Variants in FLI1 observed in about 807,000 individuals in gnomAD.
FLI1 encodes Friend leukemia integration 1 transcription factor.
FLI1 carries 13 observed loss-of-function variants against 53.1 expected under a neutral mutation model. That is an observed-to-expected ratio of 0.24 (90% CI 0.16 to 0.39). The LOEUF (loss-of-function observed/expected upper bound fraction) is 0.39, where lower values mean the gene tolerates loss of function less well. Ranked by LOEUF, FLI1 falls within the 10% of genes least tolerant of loss-of-function variation. The probability of loss-of-function intolerance (pLI) is 1.00; values close to 1 mark genes in which losing one functional copy is unlikely to be tolerated. For missense variants in FLI1, 424 were observed against 600.5 expected (o/e 0.71, Z 3.07); for synonymous variants, 244 against 236.7 (o/e 1.03, Z -0.28).
chr11:128,776,629 C>T (rs1941735740), intron 4 of FLI1, among the ~76,000 whole-genome samples: 1 of 152,174 alleles, frequency 6.6e-6, no homozygotes, highest in Admixed American at 6.5e-5. Flanking sequence ...CTGGCCTGGG[C>T]GATAGACCGA....
intron 1 of FLI1, among the ~76,000 whole-genome samples, chr11:128,696,596 G>A (rs1938087930): frequency 6.6e-6 from 1 of 152,194 alleles, no homozygotes; most frequent in Admixed American, 6.5e-5. Context: ...TGCCTAAAAT[G>A]TGCTCATATG....
intron 1 of FLI1, among the ~76,000 whole-genome samples, chr11:128,757,548 C>T (rs1266243362): frequency 6.6e-6 from 1 of 152,188 alleles, no homozygotes. Context: ...CTATTTTTAT[C>T]CCTGTTACAA....
intron 5 of FLI1, 96 bp from the exon 6 acceptor site, chr11:128,805,270 G>T: frequency 1.4e-6 from 1 of 695,454 alleles, no homozygotes; most frequent in South Asian, 2.0e-5. Context: ...TTGCTGAATT[G>T]AATTTTATTT....
intron 5 of FLI1, among the ~76,000 whole-genome samples, chr11:128,794,575 T>C (rs1942374205): frequency 6.6e-6 from 1 of 152,248 alleles, no homozygotes; most frequent in South Asian, 2.1e-4. Flanking sequence ...GTTATTTTAA[T>C]ATAAAAACCT....
At chr11:128,692,166 T>C (rs938378680), upstream of FLI1, 1 of 152,222 alleles carries the variant, frequency 6.6e-6, no homozygotes, top group Non-Finnish European at 1.5e-5. Context: ...TAATTCATTC[T>C]TCCTTTCCCG....
chr11:128,739,254 A>G (rs997888081), intron 1 of FLI1, among the ~76,000 whole-genome samples: 1 of 152,128 alleles, frequency 6.6e-6, no homozygotes, highest in African/African-American at 2.4e-5. Flanking sequence ...GCTCTTCCCC[A>G]TGCAAAAAAA....
chr11:128,733,115 C>T (rs1312819852), intron 1 of FLI1, among the ~76,000 whole-genome samples: 1 of 152,104 alleles, frequency 6.6e-6, no homozygotes, highest in Non-Finnish European at 1.5e-5. Context: ...CCTGAAGCTC[C>T]AAGGGAAAGG....
At chr11:128,718,568 T>C (rs1939117596) in intron 1 of FLI1, among the ~76,000 whole-genome samples, 1 of 152,218 alleles carries the variant, frequency 6.6e-6, no homozygotes, top group Admixed American at 6.5e-5. Flanking sequence ...GGTGGTAAGA[T>C]TCTTTTTCAC....
chr11:128,761,785 T>A (rs1007287098), intron 2 of FLI1, among the ~76,000 whole-genome samples: 21 of 152,306 alleles, frequency 1.4e-4, no homozygotes, highest in African/African-American at 5.1e-4. Flanking sequence ...AAAAGCCAGC[T>A]GGAGAGGGCC....
intron 1 of FLI1, among the ~76,000 whole-genome samples, chr11:128,698,933 G>A (rs603545): frequency 0.5 from 76,545 of 151,914 alleles, 19,492 homozygotes; most frequent in African/African-American, 0.58. Context: ...TCCAAAATAA[G>A]TCCTTCTTTT....
intron 1 of FLI1, among the ~76,000 whole-genome samples, chr11:128,726,005 C>T (rs1939458765): frequency 1.3e-5 from 2 of 152,310 alleles, no homozygotes; most frequent in South Asian, 4.1e-4. Flanking sequence ...GGGGAGGCCT[C>T]TCTGGAATGG....
intron 5 of FLI1, among the ~76,000 whole-genome samples, chr11:128,786,170 T>A (rs1942073536): frequency 6.6e-6 from 1 of 152,186 alleles, no homozygotes; most frequent in African/African-American, 2.4e-5. Context: ...GCAGCCAAGC[T>A]AGAGAAGCCT....
chr11:128,796,310 C>T (rs544946812), intron 5 of FLI1, among the ~76,000 whole-genome samples: 7 of 152,322 alleles, frequency 4.6e-5, no homozygotes, highest in South Asian at 2.1e-4. Context: ...AAGAAGTCTT[C>T]GGCCTTTTGG....
chr11:128,725,848 G>A (rs748163021), intron 1 of FLI1, among the ~76,000 whole-genome samples: 6 of 152,204 alleles, frequency 3.9e-5, no homozygotes, highest in Non-Finnish European at 7.3e-5. Context: ...TCAACGTTCA[G>A]GGCAGAAGCA....
intron 4 of FLI1, 95 bp from the exon 5 acceptor site, chr11:128,781,863 A>C: frequency 2.2e-6 from 2 of 926,596 alleles, no homozygotes; most frequent in African/African-American, 1.6e-5. Flanking sequence ...CCCTCTCCCC[A>C]TCTCTTTCCC....
chr11:128,811,083 G>A lies in FLI1; in HGVS notation c.*95G>A. ...AGGACATATGTGGCCTTGAAGGGAA[G>A]ACAAAACTGGATGTTCTTTCTTGTT... On this transcript the variant is annotated 3_prime_UTR_variant, in exon 9 of 9. Transcript: ENST00000527786. 1 of 1,126,856 alleles carries A rather than the reference G, an allele frequency of 8.9e-7. No individual in the cohort carries two copies. The highest frequency in any genetic ancestry group is 2.4e-5 in the East Asian group (1 of 42,306). 69.8% of individuals were successfully genotyped at this position (1,126,856 alleles called of 1,614,324 possible). A position where few individuals can be genotyped will look rare whatever the true frequency, so the allele number is the denominator to read the frequency against.
At chr11:128,791,372 A>AT (rs1221396891) in intron 5 of FLI1, among the ~76,000 whole-genome samples, 3 of 152,110 alleles carry the variant, frequency 2.0e-5, no homozygotes, top group African/African-American at 7.2e-5. Flanking sequence ...TATTCTAGGA[A>AT]ACCACACTCA....
At position 128,758,183 on chromosome 11, in the gene FLI1, C is replaced by T. The variant is rs767679813; in HGVS notation, c.87C>T (p.Leu29=). The T allele has an allele frequency of 1.2e-6, 2 of 1,613,402 alleles. No individual in the cohort carries two copies. Among genetic ancestry groups the T allele is most frequent in the South Asian group, 1.1e-5 (1 of 90,950 alleles). ...CAGCGTACGGAGCGGCAGCCCATCTCCCCAAGGCCGACATGACTGCCTCGG... is the reference window on the plus strand; with the variant it reads ...CAGCGTACGGAGCGGCAGCCCATCTTCCCAAGGCCGACATGACTGCCTCGG... ...FDSAYGAAAH[L]PKADMTASGS... is the part of the protein sequence containing the mutation. The change falls in exon 2 of 9, where the codon CTC becomes CTT. Residue 29 remains leucine (L), a synonymous_variant. Coordinates refer to ENST00000527786, the MANE Select transcript of FLI1 (RefSeq NM_002017.5).
intron 1 of FLI1, among the ~76,000 whole-genome samples, chr11:128,710,428 A>G (rs1037612931): frequency 6.6e-6 from 1 of 152,114 alleles, no homozygotes; most frequent in African/African-American, 2.4e-5. Context: ...CGAACATTGA[A>G]CTGCTCAAAC....
Sources: gnomAD v4.1 joint callset for allele counts (sites outside exome capture counted in the v4.1 genomes callset) on GRCh38, gnomAD v4.1.1 for gene constraint, MANE v1.5 for transcripts, NCBI Gene and HGNC (gene_info 2026-07-23, HGNC 2026-07-21) for gene names.